The following SGCZ variants were observed in gnomAD, a reference collection of about 807,000 sequenced individuals.
The protein encoded by SGCZ is zeta-sarcoglycan.
SGCZ carries 40 observed loss-of-function variants against 41.3 expected under a neutral mutation model. The observed-to-expected ratio is 0.97, with a 90% CI of 0.75 to 1.26. The LOEUF is 1.26. Ranked by LOEUF, SGCZ falls within the 50% of genes most tolerant of loss-of-function variation. The pLI is 0.00. For missense variants in SGCZ, 552 were observed against 369.8 expected, an observed-to-expected ratio of 1.49 and a Z score of -4.04; for synonymous variants, 206 against 137.5, an observed-to-expected ratio of 1.50 and a Z score of -3.49.
intron 7 of SGCZ, among the ~76,000 whole-genome samples, chr8:14,093,679 G>A (rs151056023): frequency 6.6e-6 from 1 of 151,888 alleles, no homozygotes; most frequent in Non-Finnish European, 1.5e-5. Context: ...TAAGACTACT[G>A]CACACTACAA....
intron 2 of SGCZ, among the ~76,000 whole-genome samples, chr8:14,458,112 T>C (rs1800802066): frequency 6.6e-6 from 1 of 152,200 alleles, no homozygotes; most frequent in African/African-American, 2.4e-5. Context: ...ACTAGTACAA[T>C]GTGTTTGTAT....
rs772834619 is a variant in SGCZ at position 14,732,029 on chromosome 8, G to A, written c.40-177103C>T. 3.3e-4 allele frequency among the ~76,000 whole-genome samples: 50 copies of A among 152,242 alleles called. 1 individual carries two copies. Among genetic ancestry groups the A allele is most frequent in the Admixed American group, 1.3e-3 (20 of 15,288 alleles). On this transcript the variant is annotated intron_variant, in intron 1 of 7. Transcript: ENST00000382080. ...GTTAAAAGGAATCTCAATCCTAACC[G>A]TGATTCAAGTACAACTTGTTGAGCT...
At chr8:14,765,506 G>C (rs372430386) in intron 1 of SGCZ, among the ~76,000 whole-genome samples, 1 of 152,112 alleles carries the variant, frequency 6.6e-6, no homozygotes, top group African/African-American at 2.4e-5. Flanking sequence ...CTCTCTATCC[G>C]TTCATATACA....
chr8:14,636,690 A>G lies in SGCZ; in HGVS notation c.40-81764T>C, dbSNP rs1022005056. ...GTATCAGAAGCTCAGGAAGGAAGGC[A>G]TATATAGAAAGGTAATATGAGTATC... On this transcript the variant is annotated intron_variant, in intron 1 of 7. Coordinates refer to ENST00000382080, the MANE Select transcript of SGCZ (RefSeq NM_139167.4). 1.3e-5 allele frequency among the ~76,000 whole-genome samples: 2 copies of G among 151,850 alleles called. 1 individual carries two copies. Among genetic ancestry groups the G allele is most frequent in the East Asian group, 3.9e-4 (2 of 5,140 alleles).
At chr8:15,083,817 C>T (rs1050386455) in intron 1 of SGCZ, among the ~76,000 whole-genome samples, 6 of 152,088 alleles carry the variant, frequency 3.9e-5, no homozygotes, top group African/African-American at 1.4e-4. Flanking sequence ...TGGTCTCTAG[C>T]TCTTGGGCTC....
At chr8:14,263,142 AAAAAT>A (rs1362227238) in intron 3 of SGCZ, among the ~76,000 whole-genome samples, 1 of 152,226 alleles carries the variant, frequency 6.6e-6, no homozygotes, top group African/African-American at 2.4e-5. Context: ...ACTACAAACT[AAAAAT>A]AAAGCAATTC....
intron 1 of SGCZ, among the ~76,000 whole-genome samples, chr8:14,751,131 A>G (rs1434532470): frequency 6.6e-6 from 1 of 152,208 alleles, no homozygotes; most frequent in Non-Finnish European, 1.5e-5. Flanking sequence ...ATTTTTAAGT[A>G]TATGCATTTT....
intron 1 of SGCZ, among the ~76,000 whole-genome samples, chr8:14,833,844 TA>T (rs1802610021): frequency 6.6e-6 from 1 of 151,896 alleles, no homozygotes; most frequent in African/African-American, 2.4e-5. Flanking sequence ...TGTGTTAAAT[TA>T]AATCAACTGA....
chr8:14,456,982 C>T (rs1800764310), intron 2 of SGCZ, among the ~76,000 whole-genome samples: 1 of 152,144 alleles, frequency 6.6e-6, no homozygotes, highest in South Asian at 2.1e-4. Flanking sequence ...GTGAGGCCTC[C>T]CAGAAGCAGA....
intron 1 of SGCZ, among the ~76,000 whole-genome samples, chr8:14,947,746 C>T (rs1441734417): frequency 2.6e-5 from 4 of 152,128 alleles, no homozygotes; most frequent in Non-Finnish European, 5.9e-5. Flanking sequence ...CACAAGGATC[C>T]TGTAATTTTA....
intron 1 of SGCZ, among the ~76,000 whole-genome samples, chr8:14,645,344 A>C (rs2117440505): frequency 6.6e-6 from 1 of 150,938 alleles, no homozygotes. Context: ...ATTATTATAA[A>C]ATTGAAGGGA....
In SGCZ at chr8:15,104,963, T is replaced by G. The variant is rs1585566868; in HGVS notation, c.39+132622A>C. ...TGTTTGTGCTGAGATAGAGCCAAACTGTCATCAAAGGGTTTGTATAACTCT... is the reference window on the plus strand; with the variant it reads ...TGTTTGTGCTGAGATAGAGCCAAACGGTCATCAAAGGGTTTGTATAACTCT... On this transcript the variant is annotated intron_variant, in intron 1 of 7. Transcript: ENST00000382080. 3.9e-5 allele frequency among the ~76,000 whole-genome samples: 6 copies of G among 152,328 alleles called. No individual in the cohort carries two copies. In the South Asian group the frequency reaches 1.2e-3, roughly 32 times the overall value.
intron 1 of SGCZ, among the ~76,000 whole-genome samples, chr8:14,861,559 T>C (rs1009615685): frequency 6.6e-6 from 1 of 152,150 alleles, no homozygotes; most frequent in African/African-American, 2.4e-5. Context: ...ATGTTAATAA[T>C]TAAAATACTA....
At chr8:15,125,625 C>G (rs571731940) in intron 1 of SGCZ, among the ~76,000 whole-genome samples, 4 of 152,048 alleles carry the variant, frequency 2.6e-5, no homozygotes, top group Non-Finnish European at 5.9e-5. Context: ...CCAATATACT[C>G]TGGAATATAT....
intron 1 of SGCZ, among the ~76,000 whole-genome samples, chr8:14,693,144 A>G (rs1008587622): frequency 2.0e-5 from 3 of 152,208 alleles, no homozygotes; most frequent in African/African-American, 4.8e-5. Flanking sequence ...TGTTAGATCT[A>G]TATTACATTT....
chr8:14,442,312 G>A (rs959632115), intron 2 of SGCZ, among the ~76,000 whole-genome samples: 1 of 152,120 alleles, frequency 6.6e-6, no homozygotes, highest in Admixed American at 6.5e-5. Context: ...TTTTATAAAA[G>A]GGAGTTCCCT....
At chr8:14,933,524 C>T (rs1408830597) in intron 1 of SGCZ, among the ~76,000 whole-genome samples, 1 of 151,396 alleles carries the variant, frequency 6.6e-6, no homozygotes, top group Admixed American at 6.6e-5. Flanking sequence ...CTCCGCCTCC[C>T]GCGTTCACAC....
At chr8:14,309,849 ATT>A (rs774758713) in intron 3 of SGCZ, among the ~76,000 whole-genome samples, 1 of 149,370 alleles carries the variant, frequency 6.7e-6, no homozygotes, top group Non-Finnish European at 1.5e-5. Flanking sequence ...TTCTGTGTTC[ATT>A]TTTTTTTTCT....
intron 4 of SGCZ, among the ~76,000 whole-genome samples, chr8:14,165,860 A>C (rs1804192588): frequency 6.6e-6 from 1 of 152,146 alleles, no homozygotes; most frequent in Admixed American, 6.6e-5. Context: ...GATGAATATT[A>C]AATAGATGAA....
Sources: allele counts gnomAD v4.1 joint callset (sites outside exome capture counted in the v4.1 genomes callset), GRCh38; gene constraint gnomAD v4.1.1; transcripts MANE v1.5; gene names NCBI Gene and HGNC (gene_info 2026-07-23, HGNC 2026-07-21).